Variants in ZNF445 observed in about 807,000 individuals in gnomAD.
The protein encoded by ZNF445 is zinc finger protein 445, also known as zinc finger protein 168.
ZNF445 carries 19 observed loss-of-function variants against 93.9 expected under a neutral mutation model. The ratio of observed to expected loss-of-function variants is 0.20; its 90% CI spans 0.14 to 0.30. The LOEUF (loss-of-function observed/expected upper bound fraction) is 0.30, where lower values mean the gene tolerates loss of function less well. ZNF445 is among the 10% of genes least tolerant of loss of function. The pLI is 1.00. For synonymous variants in ZNF445, 449 were observed against 446.3 expected (o/e 1.01, Z -0.08); for missense variants, 1,058 against 1,259.4 (o/e 0.84, Z 2.42).
rs759064981 is a variant in ZNF445, at chr3:44,450,436, C to T, written c.820+11G>A. 25 of 1,613,960 alleles carry T rather than the reference C, an allele frequency of 1.5e-5. No homozygotes were observed. Among genetic ancestry groups the T allele is most frequent in the Middle Eastern group, 1.6e-4 (1 of 6,078 alleles). The stretch of plus-strand genomic sequence containing the variant: ...AAGATGGATAGAAGCATGAGGATAT[C>T]GATTACTTACCCAGGGAAGCCATGT... On this transcript the variant is annotated intron_variant, in intron 6 of 7. Transcript: ENST00000396077.
At chr3:44,474,518 CAAACA>C (rs1698315389) in intron 1 of ZNF445, among the ~76,000 whole-genome samples, 1 of 151,884 alleles carries the variant, frequency 6.6e-6, no homozygotes, top group African/African-American at 2.4e-5. Flanking sequence ...CCGTCTCAAA[CAAACA>C]AAAAACAGAA....
In ZNF445 at chr3:44,437,239, G is replaced by A. The variant is rs769198083; in HGVS notation, c.*9336C>T. 11 of 152,142 alleles carry A rather than the reference G, an allele frequency of 7.2e-5. No individual in the cohort carries two copies. The highest frequency in any genetic ancestry group is 1.3e-4 in the Non-Finnish European group (9 of 68,030). 9.4% of individuals were successfully genotyped at this position (152,142 alleles called of 1,614,324 possible). ...ATGACCAGAGGTCATTCTCATCACC[G>A]TCTTGGTTTTGGTGGGTTTTAGCTG... is the stretch of plus-strand genomic sequence containing the variant. On this transcript the variant is annotated 3_prime_UTR_variant, in exon 8 of 8. Coordinates refer to ENST00000396077, the MANE Select transcript of ZNF445 (RefSeq NM_181489.6).
Position 44,435,790 on chromosome 3 carries a change from T to G in ZNF445, c.*10785A>C, listed in dbSNP as rs1032193125. The G allele has an allele frequency of 6.6e-6, 1 of 152,150 alleles. No individual in the cohort carries two copies. The highest frequency in any genetic ancestry group is 2.4e-5 in the African/African-American group (1 of 41,418). The allele number at this position is 152,150 out of a possible 1,614,324, so 9.4% of individuals were successfully genotyped here. On this transcript the variant is annotated 3_prime_UTR_variant, in exon 8 of 8. Coordinates refer to ENST00000396077, the MANE Select transcript of ZNF445 (RefSeq NM_181489.6). Reference sequence around the variant, plus strand: ...AGGATGGGTTCAGGAATCTACTAGATCTACTGTGAGATGAATCTGAGCCAA... The same window carrying G: ...AGGATGGGTTCAGGAATCTACTAGAGCTACTGTGAGATGAATCTGAGCCAA...
intron 1 of ZNF445, among the ~76,000 whole-genome samples, chr3:44,460,206 TAGAC>T (rs1383922034): frequency 2.6e-5 from 4 of 152,200 alleles, no homozygotes; most frequent in Non-Finnish European, 5.9e-5. Context: ...AATTATGACT[TAGAC>T]AGCGAAAGAG....
rs1021268812 is a variant in ZNF445, at chr3:44,437,365, G to C, written c.*9210C>G. On this transcript the variant is annotated 3_prime_UTR_variant, in exon 8 of 8. Coordinates refer to ENST00000396077, the MANE Select transcript of ZNF445 (RefSeq NM_181489.6). Reference sequence around the variant, plus strand: ...GTGACTTAGAATGCCTTAACCGTCTGGGAATGCAGCCCAGTAGGTCTCAGC... The same window carrying C: ...GTGACTTAGAATGCCTTAACCGTCTCGGAATGCAGCCCAGTAGGTCTCAGC... The C allele has an allele frequency of 3.3e-5, 5 of 152,224 alleles. No individual in the cohort carries two copies. Among genetic ancestry groups the C allele is most frequent in the Non-Finnish European group, 7.3e-5 (5 of 68,034 alleles). 9.4% of individuals were successfully genotyped at this position (152,224 alleles called of 1,614,324 possible). A position where few individuals can be genotyped will look rare whatever the true frequency, so the allele number is the denominator to read the frequency against.
intron 1 of ZNF445, among the ~76,000 whole-genome samples, chr3:44,461,576 A>ATC (rs1698114794): frequency 1.3e-5 from 2 of 152,152 alleles, no homozygotes; most frequent in African/African-American, 4.8e-5. Flanking sequence ...TGGGGTGACT[A>ATC]TCTGCTCTTC....
chr3:44,434,113 GGAAA>G lies in ZNF445; in HGVS notation c.*12458_*12461del, dbSNP rs928251347. On this transcript the variant is annotated 3_prime_UTR_variant, in exon 8 of 8. Coordinates refer to ENST00000396077, the MANE Select transcript of ZNF445 (RefSeq NM_181489.6). ...TTTAAACATATAGAATGTAACTATT[GGAAA>G]GAGAGAGAAAAAGGGCCTGGCTTGG... 6.6e-6 allele frequency: 1 copy of G among 151,998 alleles called. No individual in the cohort carries two copies. Among genetic ancestry groups the G allele is most frequent in the Non-Finnish European group, 1.5e-5 (1 of 67,988 alleles). 9.4% of individuals were successfully genotyped at this position (151,998 alleles called of 1,614,324 possible).
intron 6 of ZNF445, 89 bp downstream of exon 6, chr3:44,450,358 C>G (rs1697939945): frequency 6.4e-7 from 1 of 1,562,650 alleles, no homozygotes; most frequent in Non-Finnish European, 8.8e-7. Context: ...GGATCTAAAA[C>G]CAGGTCAGGT....
intron 1 of ZNF445, among the ~76,000 whole-genome samples, chr3:44,476,321 C>T (rs1349861698): frequency 6.6e-6 from 1 of 151,992 alleles, no homozygotes; most frequent in Non-Finnish European, 1.5e-5. Flanking sequence ...TAAGTGCATA[C>T]TGAGGTTTAT....
rs1042286835 is a variant in ZNF445 at position 44,435,965 on chromosome 3, T to C, written c.*10610A>G. 6.6e-6 allele frequency: 1 copy of C among 152,204 alleles called. No individual in the cohort carries two copies. The highest frequency in any genetic ancestry group is 2.4e-5 in the African/African-American group (1 of 41,458). The allele number at this position is 152,204 out of a possible 1,614,324, so 9.4% of individuals were successfully genotyped here. A position where few individuals can be genotyped will look rare whatever the true frequency, so the allele number is the denominator to read the frequency against. ...TTTGCCCTTCCCAATGCACAATCAC[T>C]CTGATAAATGGCCTTGGGTGCCTTT... is the stretch of plus-strand genomic sequence containing the variant. On this transcript the variant is annotated 3_prime_UTR_variant, in exon 8 of 8. Coordinates refer to ENST00000396077, the MANE Select transcript of ZNF445 (RefSeq NM_181489.6).
At chr3:44,462,264 C>A (rs1698126027) in intron 1 of ZNF445, among the ~76,000 whole-genome samples, 1 of 152,154 alleles carries the variant, frequency 6.6e-6, no homozygotes, top group Admixed American at 6.6e-5. Context: ...TATGAAATTT[C>A]TTTGTCTTGT....
rs911059077 is a variant in ZNF445, at chr3:44,446,312, G to A, written c.*263C>T. 2.1e-5 allele frequency: 10 copies of A among 468,092 alleles called. No homozygotes were observed. Among genetic ancestry groups the A allele is most frequent in the Admixed American group, 3.9e-5 (1 of 25,400 alleles). The allele number at this position is 468,092 out of a possible 1,614,324, so 29.0% of individuals were successfully genotyped here. ...GGAAGGAGACCTGAATAGGGGAGCC[G>A]CAGGCTATGGTGCAGAGGCCACTCC... On this transcript the variant is annotated 3_prime_UTR_variant, in exon 8 of 8. Transcript: ENST00000396077. This position sits in a 1 kb window ranked among gnomAD's most constrained non-coding sequence, Gnocchi z 4.2.
chr3:44,458,918 G>A (rs1698068841), intron 1 of ZNF445, among the ~76,000 whole-genome samples: 1 of 152,202 alleles, frequency 6.6e-6, no homozygotes, highest in Non-Finnish European at 1.5e-5. Flanking sequence ...CAGCCTGAAT[G>A]TCCCCACTCA....
Position 44,446,635 on chromosome 3 carries a change from T to C in ZNF445, c.3036A>G (p.Gly1012=). Residue 1012 remains glycine (G), a synonymous_variant, in exon 8 of 8, where the codon GGA becomes GGG. Transcript: ENST00000396077. The surrounding 1 kb of genome is among the most constrained non-coding windows in gnomAD (Gnocchi z 4.2). The part of the protein sequence containing the change: ...RERPFKCSKC[G]KTFRWSSNLA... ...GGTTCGAAGACCACCTGAAGGTCTT[T>C]CCACACTTGCTGCATTTGAAGGGCC... is the stretch of plus-strand genomic sequence containing the variant. 1.2e-6 allele frequency: 2 copies of C among 1,614,236 alleles called. No individual in the cohort carries two copies. The highest frequency in any genetic ancestry group is 1.7e-6 in the Non-Finnish European group (2 of 1,180,044).
chr3:44,451,211 C>G, intron 4 of ZNF445, 103 bp downstream of exon 4: 2 of 1,422,096 alleles, frequency 1.4e-6, no homozygotes, highest in African/African-American at 2.8e-5. Context: ...AGGGCCAGGA[C>G]AGAAGGAGAT....
Position 44,446,423 on chromosome 3 carries a change from C to A in ZNF445, c.*152G>T. The stretch of plus-strand genomic sequence containing the variant: ...CATCCTAGCAGGCAGGCTGGGGACT[C>A]CCCGAGCTTTCAAATCCTTGGGATT... On this transcript the variant is annotated 3_prime_UTR_variant, in exon 8 of 8. Coordinates refer to ENST00000396077, the MANE Select transcript of ZNF445 (RefSeq NM_181489.6). This position sits in a 1 kb window ranked among gnomAD's most constrained non-coding sequence, Gnocchi z 4.2. 2 of 1,136,202 alleles carry A rather than the reference C, an allele frequency of 1.8e-6. No homozygotes were observed. Among genetic ancestry groups the A allele is most frequent in the Non-Finnish European group, 2.5e-6 (2 of 812,578 alleles). The allele number at this position is 1,136,202 out of a possible 1,614,324, so 70.4% of individuals were successfully genotyped here.
rs182076623 is a variant in ZNF445 at position 44,448,752 on chromosome 3, A to G, written c.932-13T>C. ...TGGAGGTCATCTCCTGACAAAAAAT[A>G]TAACACAAGAGAATGTACTCTTTTC... On this transcript the variant is annotated splice_polypyrimidine_tract_variant and intron_variant, in intron 7 of 7. Coordinates refer to ENST00000396077, the MANE Select transcript of ZNF445 (RefSeq NM_181489.6). 1.8e-5 allele frequency: 29 copies of G among 1,601,656 alleles called. No individual in the cohort carries two copies. Among genetic ancestry groups the G allele is most frequent in the Non-Finnish European group, 2.2e-5 (26 of 1,175,338 alleles).
At chr3:44,457,633 TG>T (rs759071581) in intron 2 of ZNF445, among the ~76,000 whole-genome samples, 1 of 152,232 alleles carries the variant, frequency 6.6e-6, no homozygotes, top group Non-Finnish European at 1.5e-5. Context: ...CAAATGTTGC[TG>T]GAGCAATTGG....
chr3:44,450,173 A>C (rs1434931128), intron 6 of ZNF445: 3 of 438,312 alleles, frequency 6.8e-6, no homozygotes, highest in African/African-American at 6.0e-5. Flanking sequence ...TCCTGAGCTC[A>C]AGCAATCTTC....
Sources: gnomAD v4.1 joint callset for allele counts (sites outside exome capture counted in the v4.1 genomes callset) on GRCh38, gnomAD v4.1.1 for gene constraint, Gnocchi (gnomAD v3.1) non-coding constraint, MANE v1.5 for transcripts, NCBI Gene and HGNC (gene_info 2026-07-23, HGNC 2026-07-21) for gene names.